Variants in FAM8A1 observed in about 807,000 individuals in gnomAD.
The protein encoded by FAM8A1 is protein FAM8A1.
In FAM8A1, 18 loss-of-function variants were observed where a neutral mutation model predicts 38.3. The ratio of observed to expected loss-of-function variants is 0.47; its 90% CI spans 0.33 to 0.70. The LOEUF (loss-of-function observed/expected upper bound fraction) is 0.70, where lower values mean the gene tolerates loss of function less well. FAM8A1 is among the 30% of genes least tolerant of loss of function. The pLI is 0.03. For missense variants in FAM8A1, 559 were observed against 559.6 expected (o/e 1.00, Z 0.01); for synonymous variants, 246 against 234.4 (o/e 1.05, Z -0.45).
Position 17,600,697 on chromosome 6 carries a change from C to G in FAM8A1, c.288C>G (p.Pro96=), listed in dbSNP as rs200905404. 376 of 1,604,086 alleles carry G rather than the reference C, an allele frequency of 2.3e-4. 1 individual carries two copies. The highest frequency in any genetic ancestry group is 1.8e-3 in the Middle Eastern group (11 of 6,004). Reference sequence around the variant, plus strand: ...AGGAGCAGGCGGGCTGCGAGGCGCCCGAAGCCGCGGCGCCACGAGAGAGAC... The same window carrying G: ...AGGAGCAGGCGGGCTGCGAGGCGCCGGAAGCCGCGGCGCCACGAGAGAGAC... ...ELQEQAGCEA[P]EAAAPRERPA... Residue 96 remains proline, a synonymous_variant, in exon 1 of 5, where the codon CCC becomes CCG. Coordinates refer to ENST00000259963, the MANE Select transcript of FAM8A1 (RefSeq NM_016255.3).
intron 1 of FAM8A1, 135 bp from the exon 2 acceptor site, chr6:17,602,455 G>T (rs1291450049): frequency 2.5e-6 from 2 of 796,774 alleles, no homozygotes; most frequent in Non-Finnish European, 3.8e-6. Context: ...AATATCAATA[G>T]TTGCTGCACG....
chr6:17,606,390 C>T (rs180687491), intron 4 of FAM8A1, among the ~76,000 whole-genome samples: 18 of 152,090 alleles, frequency 1.2e-4, no homozygotes, highest in African/African-American at 4.3e-4. Context: ...TTAGTAGGGA[C>T]GGGGTTTCAC....
chr6:17,605,747 T>G, intron 3 of FAM8A1, 127 bp from the exon 4 acceptor site: 1 of 878,950 alleles, frequency 1.1e-6, no homozygotes. Flanking sequence ...ATGGTTAACT[T>G]TTGAGTATTC....
At chr6:17,605,431 A>G (rs529950811) in intron 3 of FAM8A1, among the ~76,000 whole-genome samples, 1 of 152,132 alleles carries the variant, frequency 6.6e-6, no homozygotes, top group South Asian at 2.1e-4. Context: ...ATCGAAATTT[A>G]TAATTATTCA....
At chr6:17,604,712 A>G (rs1033191307) in intron 2 of FAM8A1, among the ~76,000 whole-genome samples, 194 bp from the exon 3 acceptor site, 4 of 152,118 alleles carry the variant, frequency 2.6e-5, no homozygotes, top group African/African-American at 9.7e-5. Flanking sequence ...CCGTGCTAGT[A>G]CAGTGTCTGC....
chr6:17,611,090 T>TTTAA lies in FAM8A1; in HGVS notation c.*2753_*2756dup, dbSNP rs1241378703. 2 of 152,166 alleles carry TTTAA rather than the reference T, an allele frequency of 1.3e-5. No individual in the cohort carries two copies. Among genetic ancestry groups the TTTAA allele is most frequent in the African/African-American group, 4.8e-5 (2 of 41,438 alleles). The allele number at this position is 152,166 out of a possible 1,614,324, so 9.4% of individuals were successfully genotyped here. A position where few individuals can be genotyped will look rare whatever the true frequency, so the allele number is the denominator to read the frequency against. ...CCCAACTGAACTTTGCTCCCACTGG[T>TTTAA]TTAATAGTTACTTATTTCTGCCTAA... On this transcript the variant is annotated 3_prime_UTR_variant, in exon 5 of 5. Coordinates refer to ENST00000259963, the MANE Select transcript of FAM8A1 (RefSeq NM_016255.3).
intron 4 of FAM8A1, 101 bp from the exon 5 acceptor site, chr6:17,608,094 C>A: frequency 8.0e-7 from 1 of 1,244,458 alleles, no homozygotes; most frequent in Non-Finnish European, 1.1e-6. Context: ...TAGAGAAGTA[C>A]AATTGTGTTT....
Position 17,608,306 on chromosome 6 carries a change from A to C in FAM8A1, c.1209A>C (p.Gly403=). ...HNRTAYDIVA[G]TIVVKRNGVR ...GAACAGCTTATGACATTGTAGCAGGAACCATTGTGGTAAAAAGAAATGGGG... is the reference window on the plus strand; with the variant it reads ...GAACAGCTTATGACATTGTAGCAGGCACCATTGTGGTAAAAAGAAATGGGG... The change falls in exon 5 of 5, where the codon GGA becomes GGC. Residue 403 remains glycine (G), a synonymous_variant. Transcript: ENST00000259963. 1 of 1,612,414 alleles carries C rather than the reference A, an allele frequency of 6.2e-7. No homozygotes were observed. The highest frequency in any genetic ancestry group is 2.2e-5 in the East Asian group (1 of 44,852).
At position 17,600,807 on chromosome 6, in the gene FAM8A1, G is replaced by A; in HGVS notation, c.398G>A (p.Ser133Asn). The A allele has an allele frequency of 1.2e-6, 2 of 1,611,026 alleles. No individual in the cohort carries two copies. Among genetic ancestry groups the A allele is most frequent in the Non-Finnish European group, 1.7e-6 (2 of 1,179,692 alleles). The change falls in exon 1 of 5, where the codon AGC (serine) becomes AAC (asparagine). Residue 133 changes from serine to asparagine, a missense_variant. Transcript: ENST00000259963. ...TACTGCGGCTACCTCACCTGGCACA[G>A]CGGCCTGGCCGCCTTCCCAGCCTAC... The part of the protein sequence containing the change: ...QSYCGYLTWH[S>N]GLAAFPAYCS...
intron 1 of FAM8A1, 29 bp downstream of exon 1, chr6:17,601,150 G>A (rs1177739770): frequency 6.4e-7 from 1 of 1,562,490 alleles, no homozygotes; most frequent in Non-Finnish European, 8.6e-7. Flanking sequence ...AGGCTGGGCG[G>A]AGTAGAAGGG....
chr6:17,601,657 G>A (rs1344434658), intron 1 of FAM8A1, among the ~76,000 whole-genome samples: 1 of 152,166 alleles, frequency 6.6e-6, no homozygotes, highest in Non-Finnish European at 1.5e-5. Flanking sequence ...TTCTGTGTGT[G>A]AACTAGAATA....
chr6:17,610,639 CTT>C lies in FAM8A1; in HGVS notation c.*2302_*2303del, dbSNP rs1764128075. 6.6e-6 allele frequency: 1 copy of C among 152,108 alleles called. No homozygotes were observed. Among genetic ancestry groups the C allele is most frequent in the African/African-American group, 2.4e-5 (1 of 41,446 alleles). The allele number at this position is 152,108 out of a possible 1,614,324, so 9.4% of individuals were successfully genotyped here. On this transcript the variant is annotated 3_prime_UTR_variant, in exon 5 of 5. Transcript: ENST00000259963. The stretch of plus-strand genomic sequence containing the variant: ...AGGTAGTCTCCTGCTTTCCAGAACA[CTT>C]TATTATATTTCACTTATAGACCTGA...
chr6:17,601,186 T>G, intron 1 of FAM8A1, 65 bp downstream of exon 1: 3 of 1,525,168 alleles, frequency 2.0e-6, no homozygotes, highest in Non-Finnish European at 2.6e-6. Context: ...GGGGTAGAGC[T>G]GGCACGCTTT....
chr6:17,604,136 C>T (rs1399237713), intron 2 of FAM8A1, among the ~76,000 whole-genome samples: 1 of 152,038 alleles, frequency 6.6e-6, no homozygotes, highest in Non-Finnish European at 1.5e-5. Context: ...CTTTCAAAAT[C>T]CTAGGCTCAG....
intron 2 of FAM8A1, among the ~76,000 whole-genome samples, chr6:17,603,461 T>A (rs1411750893): frequency 6.6e-6 from 1 of 152,218 alleles, no homozygotes; most frequent in East Asian, 1.9e-4. Flanking sequence ...GCCAGAAACC[T>A]GTTACTGTGA....
intron 2 of FAM8A1, among the ~76,000 whole-genome samples, chr6:17,603,042 C>CTA (rs1285601730): frequency 6.6e-6 from 1 of 152,184 alleles, no homozygotes; most frequent in Admixed American, 6.5e-5. Flanking sequence ...TTCCCTCTTG[C>CTA]TATCTTGTGG....
At position 17,600,913 on chromosome 6, in the gene FAM8A1, G is replaced by T. The variant is rs939374504; in HGVS notation, c.504G>T (p.Gln168His). Residue 168 changes from glutamine (Q) to histidine (H), a missense_variant, in exon 1 of 5, where the codon CAG becomes CAT. This residue lies in a region of FAM8A1 where 393 missense variants were observed against 338.9 expected (regional missense o/e 1.16). Coordinates refer to ENST00000259963, the MANE Select transcript of FAM8A1 (RefSeq NM_016255.3). Reference sequence around the variant, plus strand: ...AGGCCGCGGCGCCGCCGCCCCCGCAGCTGGGCTATTACAACCCCTTCTACT... The same window carrying T: ...AGGCCGCGGCGCCGCCGCCCCCGCATCTGGGCTATTACAACCCCTTCTACT... ...VPQAAAPPPP[Q>H]LGYYNPFYFL... 2 of 1,594,712 alleles carry T rather than the reference G, an allele frequency of 1.3e-6. No individual in the cohort carries two copies. Among genetic ancestry groups the T allele is most frequent in the Non-Finnish European group, 1.7e-6 (2 of 1,173,356 alleles).
At position 17,600,361 on chromosome 6, in the gene FAM8A1, G is replaced by A; in HGVS notation, c.-49G>A. ...CTGTTGGGGAGGGGCCATTGGGGGA[G>A]GGAAACGGAGCAGTGACAGGTATCC... On this transcript the variant is annotated 5_prime_UTR_variant, in exon 1 of 5. Transcript: ENST00000259963. 3 of 1,338,302 alleles carry A rather than the reference G, an allele frequency of 2.2e-6. No homozygotes were observed. The highest frequency in any genetic ancestry group is 2.9e-6 in the Non-Finnish European group (3 of 1,042,772). 82.9% of individuals were successfully genotyped at this position (1,338,302 alleles called of 1,614,324 possible).
intron 4 of FAM8A1, 64 bp from the exon 5 acceptor site, chr6:17,608,131 A>G: frequency 6.5e-7 from 1 of 1,531,604 alleles, no homozygotes; most frequent in African/African-American, 1.4e-5. Context: ...ACTTGATGGG[A>G]TACCATTAAT....
Sources: allele counts gnomAD v4.1 joint callset (sites outside exome capture counted in the v4.1 genomes callset), GRCh38; gene constraint gnomAD v4.1.1; regional missense constraint gnomAD v4.1.1; transcripts MANE v1.5; gene names NCBI Gene and HGNC (gene_info 2026-07-23, HGNC 2026-07-21).